NF1: variants seen among roughly 807,000 people sequenced by gnomAD.
NF1 encodes the protein neurofibromin.
A neutral mutation model predicts 325.7 loss-of-function variants in NF1; 122 were observed. The ratio of observed to expected loss-of-function variants is 0.37; its 90% CI spans 0.32 to 0.44. NF1 has a LOEUF of 0.44. Ranked by LOEUF, NF1 falls within the 20% of genes least tolerant of loss-of-function variation. The probability of loss-of-function intolerance (pLI) is 1.00; values close to 1 mark genes in which losing one functional copy is unlikely to be tolerated. For missense variants in NF1, 2,140 were observed against 3,415.4 expected, an observed-to-expected ratio of 0.63 and a Z score of 9.31; for synonymous variants, 1,091 against 1,186.0, an observed-to-expected ratio of 0.92 and a Z score of 1.65.
intron 4 of NF1, among the ~76,000 whole-genome samples, chr17:31,168,894 T>C (rs900950603): frequency 6.6e-6 from 1 of 152,216 alleles, no homozygotes; most frequent in Admixed American, 6.5e-5. Context: ...ATTCATTCTT[T>C]ATTTTAAAAT....
intron 30 of NF1, chr17:31,252,381 T>C (rs1222142815): frequency 1.0e-5 from 2 of 198,822 alleles, no homozygotes; most frequent in Non-Finnish European, 2.1e-5. Context: ...TAATCTTTTT[T>C]AGAGAGAGAG....
At chr17:31,340,146 TC>T (rs2151560771) in intron 46 of NF1, 1 of 293,794 alleles carries the variant, frequency 3.4e-6, no homozygotes, top group Non-Finnish European at 6.5e-6. Context: ...GTAAAAAGAA[TC>T]CACCTTTATA....
At chr17:31,101,137 G>A (rs1277056843) in intron 1 of NF1, among the ~76,000 whole-genome samples, 1 of 151,818 alleles carries the variant, frequency 6.6e-6, no homozygotes, top group African/African-American at 2.4e-5. Context: ...TTATAACTCT[G>A]AAAAGTAGCT....
rs2151601501 is a variant in NF1 at position 31,374,093 on chromosome 17, C to G, written c.8458C>G (p.Gln2820Glu). The G allele has an allele frequency of 5.0e-6, 8 of 1,614,082 alleles. No homozygotes were observed. The highest frequency in any genetic ancestry group is 1.3e-5 in the African/African-American group (1 of 75,040). The change falls in exon 58 of 58, where the codon CAA (glutamine) becomes GAA (glutamate). Residue 2820 changes from glutamine (Q) to glutamate (E), a missense_variant. Physicochemically the swap from Gln to Glu is conservative, Grantham distance 29. Coordinates refer to ENST00000358273, the MANE Select transcript of NF1 (RefSeq NM_001042492.3). ...SGRTRHGSAS[Q>E]VQKQRSAGSF... Reference sequence around the variant, plus strand: ...ACGAACTCGCCACGGATCCGCAAGCCAAGTGCAGAAGCAAAGAAGCGCTGG... The same window carrying G: ...ACGAACTCGCCACGGATCCGCAAGCGAAGTGCAGAAGCAAAGAAGCGCTGG...
At chr17:31,202,924 A>G (rs1371971591) in intron 11 of NF1, among the ~76,000 whole-genome samples, 1 of 152,246 alleles carries the variant, frequency 6.6e-6, no homozygotes, top group East Asian at 1.9e-4. Context: ...TAACTCAGAA[A>G]TAAGTCATTA....
chr17:31,199,415 A>C (rs554458514), intron 8 of NF1, among the ~76,000 whole-genome samples: 1 of 152,030 alleles, frequency 6.6e-6, no homozygotes, highest in African/African-American at 2.4e-5. Flanking sequence ...TTTCATTTCC[A>C]TTATGATCAC....
chr17:31,285,033 C>G (rs971044645), intron 36 of NF1, among the ~76,000 whole-genome samples: 1 of 152,046 alleles, frequency 6.6e-6, no homozygotes, highest in South Asian at 2.1e-4. Flanking sequence ...GCAGGAGAAT[C>G]GCTTGAGCCC....
rs1555612290 is a variant in NF1 at position 31,214,573 on chromosome 17, G to A, written c.1515G>A (p.Lys505=). The change falls in exon 13 of 58, where the codon AAG becomes AAA. Residue 505 remains lysine (K), a synonymous_variant. Coordinates refer to ENST00000358273, the MANE Select transcript of NF1 (RefSeq NM_001042492.3). ...SMVKLIHADP[K]LLLCNPRKQG... ...TGAAACTAATTCATGCAGATCCAAA[G>A]CTCTTGCTTTGTGTAAGTATTTTTT... The A allele has an allele frequency of 6.2e-7, 1 of 1,612,970 alleles. No individual in the cohort carries two copies. Among genetic ancestry groups the A allele is most frequent in the Non-Finnish European group, 8.5e-7 (1 of 1,179,386 alleles).
At chr17:31,252,380 T>A (rs548186215) in intron 30 of NF1, 2 of 199,162 alleles carry the variant, frequency 1.0e-5, no homozygotes, top group African/African-American at 4.6e-5. Context: ...GTAATCTTTT[T>A]TAGAGAGAGA....
At chr17:31,153,768 C>G (rs959937166) in intron 1 of NF1, among the ~76,000 whole-genome samples, 2 of 150,484 alleles carry the variant, frequency 1.3e-5, no homozygotes, top group Non-Finnish European at 3.0e-5. Context: ...CACTACCAAG[C>G]CTAGATTTTT....
chr17:31,169,363 A>G (rs139053650), intron 4 of NF1, among the ~76,000 whole-genome samples: 10 of 152,326 alleles, frequency 6.6e-5, no homozygotes, highest in African/African-American at 2.4e-4. Context: ...TAAGGATGCT[A>G]CGATGCTACG....
chr17:31,115,079 CCCCTTCTTTGACT>C (rs1179786822), intron 1 of NF1, among the ~76,000 whole-genome samples: 1 of 152,118 alleles, frequency 6.6e-6, no homozygotes, highest in African/African-American at 2.4e-5. Flanking sequence ...ATAGAATAAC[CCCCTTCTTTGACT>C]GTTGATGTAG....
At chr17:31,204,508 T>C (rs2066586535) in intron 11 of NF1, among the ~76,000 whole-genome samples, 1 of 152,084 alleles carries the variant, frequency 6.6e-6, no homozygotes, top group Non-Finnish European at 1.5e-5. Context: ...TACTAAACTT[T>C]TTTGCCAACC....
chr17:31,326,097 A>C lies in NF1; in HGVS notation c.5113A>C (p.Arg1705=). The C allele has an allele frequency of 1.9e-6, 3 of 1,613,662 alleles. No homozygotes were observed. The South Asian group carries it at 3.3e-5, about 18-fold the overall frequency. Residue 1705 remains arginine (R), a synonymous_variant, in exon 37 of 58, where the codon AGG becomes CGG. Transcript: ENST00000358273. ...RLLTGLKGSK[R]LVFIDCPGKL... Reference sequence around the variant, plus strand: ...GCTGACTGGCCTCAAAGGTAGCAAAAGGCTTGTTTTCATAGACTGTCCTGG... The same window carrying C: ...GCTGACTGGCCTCAAAGGTAGCAAACGGCTTGTTTTCATAGACTGTCCTGG...
chr17:31,220,236 A>G (rs984125), intron 14 of NF1, among the ~76,000 whole-genome samples: 85,425 of 151,962 alleles, frequency 0.56, 26,784 homozygotes, highest in Middle Eastern at 0.79. Context: ...TAGCCATCCT[A>G]ATGTACATAC....
chr17:31,252,709 A>G (rs1312814558), intron 30 of NF1: 8 of 518,492 alleles, frequency 1.5e-5, no homozygotes, highest in Non-Finnish European at 2.8e-5. Context: ...AATAGTAGAC[A>G]TGATTGGGTC....
In NF1 at chr17:31,302,039, G is replaced by A. The variant is rs903942993; in HGVS notation, c.4836-23781G>A. The stretch of plus-strand genomic sequence containing the variant: ...TCTTCCTGCTGATTAAGCAAGGATT[G>A]CCACTGTTTGGCTGCTCAGCTTCCA... On this transcript the variant is annotated intron_variant, in intron 36 of 57. Transcript: ENST00000358273. Among the ~76,000 whole-genome samples, 6 of 152,064 alleles carry A rather than the reference G, an allele frequency of 3.9e-5. No homozygotes were observed. The South Asian group carries it at 1.0e-3, about 26-fold the overall frequency.
At chr17:31,335,296 A>ATATAATTATATAGG (rs1440930498) in intron 40 of NF1, among the ~76,000 whole-genome samples, 3 of 50,064 alleles carry the variant, frequency 6.0e-5, no homozygotes, top group South Asian at 7.3e-4. Flanking sequence ...ATATATATAT[A>ATATAATTATATAGG]ATTATGCCTT....
At chr17:31,351,949 C>T (rs1428378376) in intron 50 of NF1, among the ~76,000 whole-genome samples, 2 of 151,654 alleles carry the variant, frequency 1.3e-5, no homozygotes, top group Admixed American at 1.3e-4. Context: ...CCAGTGTGGC[C>T]CAGGAAAGCT....
Sources: allele counts gnomAD v4.1 joint callset (sites outside exome capture counted in the v4.1 genomes callset), GRCh38; gene constraint gnomAD v4.1.1; transcripts MANE v1.5; gene names NCBI Gene and HGNC (gene_info 2026-07-23, HGNC 2026-07-21).